Variants in CNGB3 observed in about 807,000 individuals in gnomAD.
The protein encoded by CNGB3 is cyclic nucleotide-gated channel beta-3.
CNGB3 carries 86 observed loss-of-function variants against 92.8 expected under a neutral mutation model. The observed-to-expected ratio is 0.93, with a 90% confidence interval of 0.78 to 1.11. The LOEUF (loss-of-function observed/expected upper bound fraction) is 1.11, where lower values mean the gene tolerates loss of function less well. CNGB3 is among the 50% of genes least tolerant of loss of function. The pLI is 0.00. For synonymous variants in CNGB3, 333 were observed against 332.7 expected, an observed-to-expected ratio of 1.00 and a Z score of -0.01; for missense variants, 1,026 against 956.8, an observed-to-expected ratio of 1.07 and a Z score of -0.95.
chr8:86,743,475 T>C (rs745319737), intron 1 of CNGB3, 24 bp downstream of exon 1: 36 of 1,613,560 alleles, frequency 2.2e-5, no homozygotes, highest in Middle Eastern at 1.6e-4. Context: ...AATCAAGGCT[T>C]GCATAGGAAT....
chr8:86,691,053 G>T (rs111722585), intron 3 of CNGB3, among the ~76,000 whole-genome samples: 6,731 of 152,144 alleles, frequency 0.044, 476 homozygotes, highest in African/African-American at 0.15. Context: ...CTCTTTTTTG[G>T]TTCCATATGA....
chr8:86,586,665 T>C (rs891132636), intron 15 of CNGB3, among the ~76,000 whole-genome samples: 1 of 151,280 alleles, frequency 6.6e-6, no homozygotes, highest in Non-Finnish European at 1.5e-5. Context: ...AGGACATGAA[T>C]TCATCATTTT....
chr8:86,593,694 G>T (rs979864099), intron 15 of CNGB3: 3 of 719,198 alleles, frequency 4.2e-6, no homozygotes, highest in Admixed American at 4.2e-5. Context: ...ACCTCACTAG[G>T]CACGCTGAGG....
rs199894347 is a variant in CNGB3 at position 86,709,692 on chromosome 8, A to G, written c.338+16839T>C. On this transcript the variant is annotated intron_variant, in intron 3 of 17. Transcript: ENST00000320005. ...CTGTCCTGATACTGTGGGATGCTGG[A>G]AAAGTTAAAAAAAATAAATGAAAAC... Among the ~76,000 whole-genome samples the G allele has an allele frequency of 2.6e-5, 4 of 152,268 alleles. No homozygotes were observed. In the East Asian group the frequency reaches 7.7e-4, roughly 29 times the overall value.
At chr8:86,597,123 TAACA>T (rs1222985504) in intron 15 of CNGB3, among the ~76,000 whole-genome samples, 1 of 152,228 alleles carries the variant, frequency 6.6e-6, no homozygotes, top group Non-Finnish European at 1.5e-5. Flanking sequence ...TATACCTATG[TAACA>T]AACCTGCATG....
intron 3 of CNGB3, among the ~76,000 whole-genome samples, chr8:86,680,973 C>T (rs539164028): frequency 1.3e-5 from 2 of 152,234 alleles, no homozygotes; most frequent in African/African-American, 4.8e-5. Flanking sequence ...CTTCTATCCC[C>T]AAGGTAAACG....
intron 13 of CNGB3, among the ~76,000 whole-genome samples, chr8:86,618,068 G>T (rs1375336935): frequency 6.6e-6 from 1 of 152,144 alleles, no homozygotes; most frequent in Admixed American, 6.5e-5. Context: ...ATTCTCATAA[G>T]GCAAGTGCAA....
rs556701015 is a variant in CNGB3 at position 86,604,532 on chromosome 8, C to T, written c.1663-321G>A. ...GGAAGTAATTGATTTTAAGCATGGT[C>T]GAACCTGGCTTTGATGACCACCACT... On this transcript the variant is annotated intron_variant, in intron 14 of 17. Coordinates refer to ENST00000320005, the MANE Select transcript of CNGB3 (RefSeq NM_019098.5). Among the ~76,000 whole-genome samples the T allele has an allele frequency of 1.3e-4, 20 of 152,234 alleles. No homozygotes were observed. In the East Asian group the frequency reaches 3.3e-3, roughly 25 times the overall value.
chr8:86,642,390 A>C (rs903730959), intron 10 of CNGB3, among the ~76,000 whole-genome samples: 3 of 151,676 alleles, frequency 2.0e-5, no homozygotes, highest in African/African-American at 7.2e-5. Context: ...TTATTTAGTA[A>C]ATTTTCTGGA....
chr8:86,673,790 A>AT (rs1354907330), intron 3 of CNGB3, among the ~76,000 whole-genome samples: 3 of 33,976 alleles, frequency 8.8e-5, no homozygotes, highest in Non-Finnish European at 1.4e-4. Flanking sequence ...CGGCATGAAA[A>AT]AATTTTTTGT....
chr8:86,636,572 CAAAAAAAAAAAAA>C (rs57907634), intron 10 of CNGB3, among the ~76,000 whole-genome samples: 1 of 40,092 alleles, frequency 2.5e-5, no homozygotes, highest in Non-Finnish European at 4.1e-5. Flanking sequence ...GACCCTGTCT[CAAAAAAAAAAAAA>C]AAAAAAAAAA....
At chr8:86,644,305 A>G (rs1823251382) in intron 9 of CNGB3, among the ~76,000 whole-genome samples, 1 of 151,410 alleles carries the variant, frequency 6.6e-6, no homozygotes, top group Non-Finnish European at 1.5e-5. Flanking sequence ...TGAAATTCAG[A>G]TTAGGAATGA....
rs1042970165 is a variant in CNGB3, at chr8:86,654,062, C to T, written c.853G>A (p.Val285Met). The change falls in exon 7 of 18, where the codon GTG becomes ATG. Residue 285 changes from valine to methionine, a missense_variant and splice_region_variant. Coordinates refer to ENST00000320005, the MANE Select transcript of CNGB3 (RefSeq NM_019098.5). ...LQFVRGGDII[V>M]DSNELRKHYR... ...TGTTTCCTTAGCTCATTTGAATCCA[C>T]CTGAAAGATATTTGTATTTTCATTA... is the stretch of plus-strand genomic sequence containing the variant. 1.9e-6 allele frequency: 3 copies of T among 1,579,822 alleles called. No individual in the cohort carries two copies. The highest frequency in any genetic ancestry group is 1.3e-5 in the African/African-American group (1 of 74,328).
intron 3 of CNGB3, among the ~76,000 whole-genome samples, chr8:86,706,419 G>A (rs192704161): frequency 6.6e-6 from 1 of 152,200 alleles, no homozygotes; most frequent in African/African-American, 2.4e-5. Context: ...AATTTTAAAA[G>A]CATGTGAGTA....
intron 15 of CNGB3, among the ~76,000 whole-genome samples, chr8:86,596,664 C>T (rs1403817883): frequency 2.0e-5 from 3 of 152,184 alleles, no homozygotes; most frequent in Non-Finnish European, 2.9e-5. Context: ...TCTAGCAGGA[C>T]CCCTTGGTGC....
chr8:86,660,666 T>G, intron 6 of CNGB3: 1 of 532,566 alleles, frequency 1.9e-6, no homozygotes, highest in South Asian at 1.4e-5. Flanking sequence ...AATTCTTTTG[T>G]GTAGGCACAG....
chr8:86,739,912 T>C (rs1825313055), intron 1 of CNGB3, among the ~76,000 whole-genome samples, 176 bp from the exon 2 acceptor site: 1 of 152,228 alleles, frequency 6.6e-6, no homozygotes, highest in South Asian at 2.1e-4. Context: ...TACTATTGAA[T>C]AATCAACCTC....
intron 15 of CNGB3, among the ~76,000 whole-genome samples, chr8:86,588,927 T>C (rs1821959122): frequency 6.6e-6 from 1 of 151,916 alleles, no homozygotes; most frequent in Admixed American, 6.6e-5. Flanking sequence ...CAGTTCCTCC[T>C]TGTACCTCTG....
intron 6 of CNGB3, chr8:86,658,103 A>T: frequency 1.9e-6 from 1 of 527,150 alleles, no homozygotes; most frequent in Non-Finnish European, 3.5e-6. Context: ...GCCTCCCCAC[A>T]CACAGAATCG....
Sources: gnomAD v4.1 joint callset for allele counts (sites outside exome capture counted in the v4.1 genomes callset) on GRCh38, gnomAD v4.1.1 for gene constraint, MANE v1.5 for transcripts, NCBI Gene and HGNC (gene_info 2026-07-23, HGNC 2026-07-21) for gene names.